Variants in TENM1 observed in about 807,000 individuals in gnomAD.
TENM1 encodes teneurin-1.
In TENM1, 35 loss-of-function variants were observed where a neutral mutation model predicts 174.8. The observed-to-expected ratio is 0.20, with a 90% confidence interval of 0.15 to 0.27. TENM1 has a LOEUF of 0.27. TENM1 is among the 10% of genes least tolerant of loss of function. The probability of loss-of-function intolerance (pLI) is 1.00; values close to 1 mark genes in which losing one functional copy is unlikely to be tolerated. For synonymous variants in TENM1, 781 were observed against 798.7 expected (o/e 0.98, Z 0.37); for missense variants, 1,633 against 2,130.1 (o/e 0.77, Z 4.59).
At chrX:124,679,967 C>T (rs2052191940) in intron 5 of TENM1, among the ~76,000 whole-genome samples, 2 of 111,348 alleles carry the variant, frequency 1.8e-5, no homozygotes, top group Admixed American at 1.9e-4. Context: ...GTTTTGAGGT[C>T]TCTTTCAAAC....
the TENM1 span, among the ~76,000 whole-genome samples, chrX:125,193,176 AGT>A: frequency 9.0e-6 from 1 of 110,931 alleles, no homozygotes; most frequent in Non-Finnish European, 1.9e-5. Flanking sequence ...TCTTAAATGC[AGT>A]GTTTCTCAAT....
chrX:124,807,220 C>T (rs2055623991), intron 3 of TENM1, among the ~76,000 whole-genome samples: 1 of 111,805 alleles, frequency 8.9e-6, no homozygotes, highest in Non-Finnish European at 1.9e-5. Context: ...CCACCAGGCC[C>T]CACATCCAAC....
At chrX:124,596,731 A>G (rs1400242628) in intron 11 of TENM1, among the ~76,000 whole-genome samples, 2 of 111,844 alleles carry the variant, frequency 1.8e-5, no homozygotes, top group African/African-American at 6.5e-5. Context: ...AGCAGAGGTC[A>G]GAGAATTCAG....
chrX:124,588,605 A>G (rs1196083100), intron 11 of TENM1, among the ~76,000 whole-genome samples: 1 of 110,499 alleles, frequency 9.0e-6, no homozygotes, highest in Admixed American at 9.7e-5. Flanking sequence ...TGACGAGTTA[A>G]TGGGTGCAGC....
the TENM1 span, among the ~76,000 whole-genome samples, chrX:124,999,570 T>C: frequency 3.6e-5 from 4 of 111,287 alleles, no homozygotes; most frequent in Non-Finnish European, 5.7e-5. Context: ...CAGATGTTAC[T>C]ATCTGGAGCA....
At chrX:124,824,391 A>G (rs983267459) in intron 3 of TENM1, among the ~76,000 whole-genome samples, 2 of 111,673 alleles carry the variant, frequency 1.8e-5, no homozygotes, top group Non-Finnish European at 3.8e-5. Flanking sequence ...CACTTTACAC[A>G]TTTTCTTTAT....
intron 1 of TENM1, among the ~76,000 whole-genome samples, chrX:124,944,514 A>G (rs1393125690): frequency 1.8e-5 from 2 of 111,507 alleles, no homozygotes; most frequent in African/African-American, 6.5e-5. Context: ...GTTTGAGGAC[A>G]AACAACAACA....
At chrX:124,975,048 A>G in the TENM1 span, among the ~76,000 whole-genome samples, 3 of 107,040 alleles carry the variant, frequency 2.8e-5, no homozygotes, top group Non-Finnish European at 5.8e-5. Context: ...CGGTGTAAAT[A>G]CCTAGCATAT....
intron 1 of TENM1, among the ~76,000 whole-genome samples, chrX:124,950,608 T>C (rs980749506): frequency 2.7e-5 from 3 of 112,002 alleles, no homozygotes; most frequent in Non-Finnish European, 1.9e-5. Flanking sequence ...TGAAAGTTTA[T>C]GTAGAATTAT....
upstream of TENM1, among the ~76,000 whole-genome samples, chrX:124,965,396 T>A (rs5956717): frequency 0.45 from 49,516 of 109,433 alleles, 9,741 homozygotes; most frequent in African/African-American, 0.75. Flanking sequence ...GCTGATTTTT[T>A]AAAAAAGGCT....
intron 3 of TENM1, among the ~76,000 whole-genome samples, chrX:124,750,602 T>C (rs1315222859): frequency 8.9e-6 from 1 of 112,019 alleles, no homozygotes; most frequent in East Asian, 2.8e-4. Flanking sequence ...GAATGTGTAA[T>C]TTTTAAAGTT....
At chrX:124,905,901 CAG>C (rs59550361) in intron 1 of TENM1, among the ~76,000 whole-genome samples, 11,844 of 111,727 alleles carry the variant, frequency 0.11, 624 homozygotes, top group East Asian at 0.43. Context: ...GAATCTGAAA[CAG>C]GGCTGGAAAT....
chrX:125,181,805 T>G, the TENM1 span, among the ~76,000 whole-genome samples: 1 of 110,943 alleles, frequency 9.0e-6, no homozygotes, highest in East Asian at 2.9e-4. Context: ...GTAGTTCTGA[T>G]GGAGGGACCT....
the TENM1 span, among the ~76,000 whole-genome samples, chrX:125,027,977 G>A: frequency 9.0e-5 from 10 of 111,483 alleles, no homozygotes; most frequent in South Asian, 3.4e-3. Context: ...ATGTCGATAC[G>A]GATATAGAGA....
chrX:124,404,021 C>G (rs1319403699), intron 27 of TENM1, among the ~76,000 whole-genome samples: 2 of 111,997 alleles, frequency 1.8e-5, no homozygotes, highest in Non-Finnish European at 3.8e-5. Context: ...CCCTTCCCCT[C>G]CCTTGTCCAA....
intron 11 of TENM1, among the ~76,000 whole-genome samples, chrX:124,594,191 C>G (rs1413434432): frequency 8.9e-6 from 1 of 111,834 alleles, no homozygotes; most frequent in Admixed American, 9.5e-5. Flanking sequence ...CAGAGGGAAG[C>G]TCTCTGCCCC....
At chrX:124,471,463 T>C (rs1244828935) in intron 22 of TENM1, among the ~76,000 whole-genome samples, 1 of 11,162 alleles carries the variant, frequency 9.0e-5, no homozygotes. Context: ...TATAATACTA[T>C]ATATAATATA....
At chrX:124,557,838 T>A (rs1471153279) in intron 14 of TENM1, among the ~76,000 whole-genome samples, 1 of 112,019 alleles carries the variant, frequency 8.9e-6, no homozygotes, top group East Asian at 2.8e-4. Flanking sequence ...ATGTCCAAAC[T>A]TTTTTTCTGA....
chrX:124,707,117 T>G (rs1343050187), intron 4 of TENM1, among the ~76,000 whole-genome samples: 4 of 110,714 alleles, frequency 3.6e-5, no homozygotes. Flanking sequence ...GCAATTCTCC[T>G]GCCTCAGCCT....
Sources: allele counts gnomAD v4.1 joint callset (sites outside exome capture counted in the v4.1 genomes callset), GRCh38; gene constraint gnomAD v4.1.1; transcripts MANE v1.5; gene names NCBI Gene and HGNC (gene_info 2026-07-23, HGNC 2026-07-21).